Variants in KDM6B observed in about 807,000 individuals in gnomAD.
The protein encoded by KDM6B is lysine-specific demethylase 6B.
KDM6B carries 22 observed loss-of-function variants against 150.4 expected under a neutral mutation model. The ratio of observed to expected loss-of-function variants is 0.15; its 90% confidence interval spans 0.10 to 0.21. The LOEUF (loss-of-function observed/expected upper bound fraction) is 0.21. Among genes scored for constraint, KDM6B ranks in the 10% least tolerant of loss-of-function variants. The pLI, the probability that KDM6B is intolerant of heterozygous loss-of-function variation, is 1.00. For missense variants in KDM6B, 1,984 were observed against 2,234.3 expected, an observed-to-expected ratio of 0.89 and a Z score of 2.26; for synonymous variants, 1,148 against 921.1, an observed-to-expected ratio of 1.25 and a Z score of -4.46.
Position 7,853,344 on chromosome 17 carries a change from T to C in KDM6B, c.4872T>C (p.Thr1624=). ...QGVVVLEQYR[T]EELAQAYDAF... ...TGGTGGTGCTGGAGCAGTACCGCAC[T>C]GAGGAGCTGGCTCAGGCCTACGACG... The change falls in exon 23 of 24, where the codon ACT becomes ACC. Residue 1624 remains threonine, a synonymous_variant. Transcript: ENST00000448097. 6.4e-7 allele frequency: 1 copy of C among 1,574,220 alleles called. No homozygotes were observed. The highest frequency in any genetic ancestry group is 8.6e-7 in the Non-Finnish European group (1 of 1,162,504).
Position 7,846,928 on chromosome 17 carries a change from T to G in KDM6B, c.821T>G (p.Phe274Cys). The change falls in exon 10 of 24, where the codon TTT (phenylalanine) becomes TGT (cysteine). Residue 274 changes from phenylalanine (F) to cysteine (C), a missense_variant. Phe to Cys is a radical substitution (Grantham distance 205). Coordinates refer to ENST00000448097, the MANE Select transcript of KDM6B (RefSeq NM_001348716.2). ...CCTGGCCTGGCTACCAGCCCCCCAT[T>G]TCAGCTAACCAAGCCAGGGCTGTGG... ...PLPGLATSPP[F>C]QLTKPGLWST... The G allele has an allele frequency of 7.7e-7, 1 of 1,306,916 alleles. No homozygotes were observed. Among genetic ancestry groups the G allele is most frequent in the Non-Finnish European group, 1.0e-6 (1 of 999,972 alleles). 81.0% of individuals were successfully genotyped at this position (1,306,916 alleles called of 1,614,324 possible).
Position 7,846,120 on chromosome 17 carries a change from G to C in KDM6B, c.279G>C (p.Leu93=). 6.2e-7 allele frequency: 1 copy of C among 1,605,408 alleles called. No individual in the cohort carries two copies. The highest frequency in any genetic ancestry group is 8.5e-7 in the Non-Finnish European group (1 of 1,177,484). The change falls in exon 7 of 24, where the codon CTG becomes CTC. Residue 93 remains leucine (L), a synonymous_variant. Transcript: ENST00000448097. The part of the protein sequence containing the change: ...PRPLHGKLES[L]HGCVQALLRE... ...CCCTCCATGGGAAGCTGGAATCCCTGCATGGCTGTGTGCAGGCATTGCTCC... is the reference window on the plus strand; with the variant it reads ...CCCTCCATGGGAAGCTGGAATCCCTCCATGGCTGTGTGCAGGCATTGCTCC...
chr17:7,847,208 G>GCCCC lies in KDM6B; in HGVS notation c.1015_1018dup (p.Arg340ProfsTer21). The GCCCC allele has an allele frequency of 6.3e-7, 1 of 1,597,814 alleles. No individual in the cohort carries two copies. Among genetic ancestry groups the GCCCC allele is most frequent in the Non-Finnish European group, 8.5e-7 (1 of 1,174,794 alleles). On this transcript the variant is annotated frameshift_variant, in exon 11 of 24. Transcript: ENST00000448097. LOFTEE classifies it high-confidence loss of function. ...GTCCCGGCTGCTCCCCCAGGCCCAG[G>GCCCC]CCCCCGCCCCCCAGGAGCAGAGAGC...
At position 7,845,368 on chromosome 17, in the gene KDM6B, A is replaced by T; in HGVS notation, c.-94A>T. 1 of 732,846 alleles carries T rather than the reference A, an allele frequency of 1.4e-6. No homozygotes were observed. The highest frequency in any genetic ancestry group is 2.4e-6 in the Non-Finnish European group (1 of 412,560). The allele number at this position is 732,846 out of a possible 1,614,324, so 45.4% of individuals were successfully genotyped here. A position where few individuals can be genotyped will look rare whatever the true frequency, so the allele number is the denominator to read the frequency against. On this transcript the variant is annotated 5_prime_UTR_variant, in exon 4 of 24. Transcript: ENST00000448097. ...TCTGGGGGTAGCGGGCACTCTTATC[A>T]GAGCGGCTGGAGCCGGACCATCGTC... is the stretch of plus-strand genomic sequence containing the variant.
At chr17:7,850,255 C>A in intron 14 of KDM6B, 78 bp downstream of exon 14, 1 of 1,186,316 alleles carries the variant, frequency 8.4e-7, no homozygotes, top group Non-Finnish European at 1.2e-6. Context: ...AAATCCCACA[C>A]TTGAAGACTC....
chr17:7,849,607 C>G lies in KDM6B; in HGVS notation c.3319C>G (p.Leu1107Val). The G allele has an allele frequency of 6.2e-7, 1 of 1,612,290 alleles. No individual in the cohort carries two copies. Among genetic ancestry groups the G allele is most frequent in the Non-Finnish European group, 8.5e-7 (1 of 1,180,032 alleles). Residue 1107 changes from leucine (L) to valine (V), a missense_variant, in exon 12 of 24, where the codon CTC becomes GTC. Transcript: ENST00000448097. Reference protein sequence around the residue: ...EGPPKELKIRLIKVESGDKET... With the variant: ...EGPPKELKIRVIKVESGDKET... ...GCCCCCCAAGGAGCTGAAGATCCGG[C>G]TCATCAAGGTAGAGAGTGGTGACAA...
intron 3 of KDM6B, 89 bp from the exon 4 acceptor site, chr17:7,845,225 A>G (rs1346184959): frequency 2.1e-6 from 1 of 483,002 alleles, no homozygotes; most frequent in African/African-American, 2.0e-5. Context: ...CAAATGACAA[A>G]TTGGTGGATG....
chr17:7,841,763 C>T (rs1203295188), intron 2 of KDM6B, among the ~76,000 whole-genome samples: 1 of 152,222 alleles, frequency 6.6e-6, no homozygotes, highest in Non-Finnish European at 1.5e-5. Context: ...CCGGGGCCGG[C>T]ACCGTCACTC....
Position 7,845,929 on chromosome 17 carries a change from C to T in KDM6B, c.195C>T (p.Gly65=). ...CTGCTCCCCTACCCCCTTCACATGG[C>T]AGTAGTTCTGGGCACCCCAGCAAAC... is the stretch of plus-strand genomic sequence containing the variant. ...PLPAPLPPSH[G]SSSGHPSKPY... The change falls in exon 6 of 24, where the codon GGC becomes GGT. Residue 65 remains glycine, a synonymous_variant. Coordinates refer to ENST00000448097, the MANE Select transcript of KDM6B (RefSeq NM_001348716.2). 6.2e-7 allele frequency: 1 copy of T among 1,614,124 alleles called. No individual in the cohort carries two copies. The highest frequency in any genetic ancestry group is 1.3e-5 in the African/African-American group (1 of 75,048).
chr17:7,846,546 G>A (rs773104275), intron 8 of KDM6B, 33 bp from the exon 9 acceptor site: 24 of 1,613,938 alleles, frequency 1.5e-5, no homozygotes, highest in Admixed American at 3.3e-5. Context: ...GCCTGCACCC[G>A]TGCCATTTTC....
chr17:7,835,743 GCCCACCC>G (rs2078323280), intron 1 of KDM6B, among the ~76,000 whole-genome samples: 2 of 151,052 alleles, frequency 1.3e-5, no homozygotes, highest in Admixed American at 1.3e-4. Flanking sequence ...ACACGCTCGC[GCCCACCC>G]CCCGCCCTGC....
At chr17:7,850,464 C>A (rs2078668718) in intron 14 of KDM6B, among the ~76,000 whole-genome samples, 5 of 152,072 alleles carry the variant, frequency 3.3e-5, no homozygotes, top group Admixed American at 3.3e-4. Context: ...GATGTTGGGG[C>A]TCTCTCTCAG....
Position 7,848,675 on chromosome 17 carries a change from C to G in KDM6B, c.2387C>G (p.Pro796Arg). Reference sequence around the variant, plus strand: ...TCTCAGCCACAGCCACCACCACCCCCACCCCCCAGCCCGGCCAGCCTGCTC... The same window carrying G: ...TCTCAGCCACAGCCACCACCACCCCGACCCCCCAGCCCGGCCAGCCTGCTC... ...PPSQPQPPPPPPPSPASLLKS... is the reference protein window; with the variant it reads ...PPSQPQPPPPRPPSPASLLKS... Residue 796 changes from proline to arginine, a missense_variant, in exon 12 of 24, where the codon CCA (proline) becomes CGA (arginine). By Grantham distance (103) the Pro-to-Arg change is moderately radical (BLOSUM62 -2). Around this residue, in one of 13 missense-constraint regions of KDM6B, gnomAD observed 1,379 missense variants for 1,275.6 expected, o/e 1.08. Coordinates refer to ENST00000448097, the MANE Select transcript of KDM6B (RefSeq NM_001348716.2). 1 of 1,610,504 alleles carries G rather than the reference C, an allele frequency of 6.2e-7. No homozygotes were observed. The highest frequency in any genetic ancestry group is 2.2e-5 in the East Asian group (1 of 44,822).
chr17:7,853,840 A>C lies in KDM6B; in HGVS notation c.*319A>C. 2.0e-5 allele frequency: 4 copies of C among 195,764 alleles called. No homozygotes were observed. Among genetic ancestry groups the C allele is most frequent in the Non-Finnish European group, 3.1e-5 (3 of 97,670 alleles). 12.1% of individuals were successfully genotyped at this position (195,764 alleles called of 1,614,324 possible). On this transcript the variant is annotated 3_prime_UTR_variant, in exon 24 of 24. Coordinates refer to ENST00000448097, the MANE Select transcript of KDM6B (RefSeq NM_001348716.2). ...AGGCTCCGGCGGCGGCGGGGGTCAC[A>C]TACGGGTTCCCTCACCCTGCCAGCC...
rs1430560555 is a variant in KDM6B at position 7,847,690 on chromosome 17, C to T, written c.1402C>T (p.Pro468Ser). ...HLSLPPGPSSPPPPPCPRLLR... is the reference protein window; with the variant it reads ...HLSLPPGPSSSPPPPCPRLLR... ...ATCCCTGCCACCTGGACCTTCCTCA[C>T]CCCCTCCACCCCCCTGTCCCCGCCT... Residue 468 changes from proline (P) to serine (S), a missense_variant, in exon 12 of 24, where the codon CCC (proline) becomes TCC (serine). This residue lies in a region of KDM6B where 1,379 missense variants were observed against 1,275.6 expected (regional missense o/e 1.08). Coordinates refer to ENST00000448097, the MANE Select transcript of KDM6B (RefSeq NM_001348716.2). The T allele has an allele frequency of 1.9e-6, 3 of 1,552,348 alleles. No homozygotes were observed. The highest frequency in any genetic ancestry group is 2.6e-6 in the Non-Finnish European group (3 of 1,148,054).
At chr17:7,837,036 G>A (rs2078343479) in intron 1 of KDM6B, among the ~76,000 whole-genome samples, 1 of 152,152 alleles carries the variant, frequency 6.6e-6, no homozygotes, top group South Asian at 2.1e-4. Flanking sequence ...CTGGAGTTTT[G>A]TGAGGGGGAG....
At position 7,851,799 on chromosome 17, in the gene KDM6B, G is replaced by A. The variant is rs1466034954; in HGVS notation, c.4165+3G>A. ...GGTGCCCGGCAGCCGAACGCCAGGT[G>A]CGCTCCACGCCTGTGCGCGCTGATG... On this transcript the variant is annotated splice_donor_region_variant and intron_variant, in intron 18 of 23. Coordinates refer to ENST00000448097, the MANE Select transcript of KDM6B (RefSeq NM_001348716.2). 6.4e-7 allele frequency: 1 copy of A among 1,555,324 alleles called. No individual in the cohort carries two copies. The highest frequency in any genetic ancestry group is 8.7e-7 in the Non-Finnish European group (1 of 1,149,812).
chr17:7,850,892 G>C (rs542756478), intron 14 of KDM6B, 129 bp from the exon 15 acceptor site: 12 of 840,288 alleles, frequency 1.4e-5, no homozygotes, highest in African/African-American at 1.3e-4. Context: ...TATTTCTTCT[G>C]GGCTGAGCTC....
In KDM6B at chr17:7,853,646, T is replaced by C. The variant is rs533633614; in HGVS notation, c.*125T>C. 1.2e-5 allele frequency: 7 copies of C among 563,780 alleles called. No individual in the cohort carries two copies. The South Asian group carries it at 1.7e-4, about 14-fold the overall frequency. 34.9% of individuals were successfully genotyped at this position (563,780 alleles called of 1,614,324 possible). On this transcript the variant is annotated 3_prime_UTR_variant, in exon 24 of 24. Coordinates refer to ENST00000448097, the MANE Select transcript of KDM6B (RefSeq NM_001348716.2). ...GGTCGGGCCCAGCCCTTCCACCCCA[T>C]TGGCAGCTCCCCTCACTTAATTTAT...
Sources: allele counts gnomAD v4.1 joint callset (sites outside exome capture counted in the v4.1 genomes callset), GRCh38; gene constraint gnomAD v4.1.1; regional missense constraint gnomAD v4.1.1; transcripts MANE v1.5; gene names NCBI Gene and HGNC (gene_info 2026-07-23, HGNC 2026-07-21).